Variants in RNF213 observed in about 807,000 individuals in gnomAD.
The protein encoded by RNF213 is E3 ubiquitin-protein ligase RNF213.
In RNF213, 341 loss-of-function variants were observed where a neutral mutation model predicts 514.4. The ratio of observed to expected loss-of-function variants is 0.66; its 90% CI spans 0.61 to 0.73. The LOEUF is 0.73. RNF213 is among the 30% of genes least tolerant of loss of function. RNF213 has a pLI of 0.00. For synonymous variants in RNF213, 2,655 were observed against 2,658.2 expected (o/e 1.00, Z 0.04); for missense variants, 5,767 against 6,615.6 (o/e 0.87, Z 4.45).
At chr17:80,367,327 T>C (rs181627769) in intron 42 of RNF213, among the ~76,000 whole-genome samples, 83 of 152,270 alleles carry the variant, frequency 5.5e-4, no homozygotes, top group African/African-American at 1.5e-3. Flanking sequence ...CTCTAAAAAA[T>C]GATCTATCGC....
Position 80,288,072 on chromosome 17 carries a change from C to T in RNF213, c.519C>T (p.Pro173=), listed in dbSNP as rs762433367. 1.7e-5 allele frequency: 27 copies of T among 1,608,712 alleles called. 1 individual carries two copies. The South Asian group carries it at 2.9e-4, about 17-fold the overall frequency. The change falls in exon 4 of 68, where the codon CCC becomes CCT. Residue 173 remains proline, a synonymous_variant. Transcript: ENST00000582970. The surrounding 1 kb of genome is among the most constrained non-coding windows in gnomAD (Gnocchi z 4.9). ...CGCCCACCGAGGTTGGCGACAGCCC[C>T]CTGCAGGCCCAGGCTTTGGGAGAGG... ...LSAPTEVGDS[P]LQAQALGEAG...
At chr17:80,365,733 C>T (rs1259149483) in intron 42 of RNF213, among the ~76,000 whole-genome samples, 1 of 152,172 alleles carries the variant, frequency 6.6e-6, no homozygotes, top group South Asian at 2.1e-4. Context: ...CCGGTGCCCC[C>T]CTTCCACCCT....
Position 80,291,860 on chromosome 17 carries a change from C to T in RNF213, c.1471+33C>T, listed in dbSNP as rs76254032. 1.6e-3 allele frequency: 2,613 copies of T among 1,609,912 alleles called. 37 individuals carry two copies. The African/African-American group carries it at 0.031, about 19-fold the overall frequency. ...GTGGCAGCAGGCTGTCTGCTCACCC[C>T]TCCGGAGTGCAGGTGCCAATCCCGC... is the stretch of plus-strand genomic sequence containing the variant. On this transcript the variant is annotated intron_variant, in intron 8 of 67. Transcript: ENST00000582970.
Position 80,363,801 on chromosome 17 carries a change from G to A in RNF213, c.11750+11G>A. The A allele has an allele frequency of 6.2e-7, 1 of 1,611,896 alleles. No homozygotes were observed. The highest frequency in any genetic ancestry group is 8.5e-7 in the Non-Finnish European group (1 of 1,179,630). On this transcript the variant is annotated intron_variant, in intron 41 of 67. Transcript: ENST00000582970. ...CATCAGGGAAGTCAGGTGAGACCCA[G>A]GAGCCCTCACCCACTGCTTCATCTG...
intron 46 of RNF213, among the ~76,000 whole-genome samples, chr17:80,371,114 T>TC (rs1191389185): frequency 6.6e-6 from 1 of 152,030 alleles, no homozygotes; most frequent in Non-Finnish European, 1.5e-5. Flanking sequence ...TGTCATGAAA[T>TC]CATGTGGGTC....
At chr17:80,381,419 C>T (rs577278877) in intron 56 of RNF213, 128 bp from the exon 57 acceptor site, 1 of 970,462 alleles carries the variant, frequency 1.0e-6, no homozygotes, top group Admixed American at 1.7e-5. Flanking sequence ...GATCACTCCG[C>T]CGTTTTCATC....
At chr17:80,276,571 G>A (rs1035428284) in intron 3 of RNF213, among the ~76,000 whole-genome samples, 2 of 152,126 alleles carry the variant, frequency 1.3e-5, no homozygotes, top group African/African-American at 2.4e-5. Flanking sequence ...GAGGCCAGGC[G>A]CGGTGGCTCA....
intron 6 of RNF213, among the ~76,000 whole-genome samples, chr17:80,290,268 G>A (rs1030379429): frequency 6.6e-5 from 10 of 152,238 alleles, no homozygotes; most frequent in East Asian, 1.9e-4. Flanking sequence ...TGTGCATTAC[G>A]AACACAAGGA....
In RNF213 at chr17:80,376,551, T is replaced by C; in HGVS notation, c.13428+8T>C. 6.2e-7 allele frequency: 1 copy of C among 1,613,850 alleles called. No homozygotes were observed. The highest frequency in any genetic ancestry group is 1.7e-5 in the Admixed American group (1 of 60,022). On this transcript the variant is annotated splice_region_variant and intron_variant, in intron 52 of 67. Transcript: ENST00000582970. ...TCCCCAGCCACCATGGCGGTAAGAG[T>C]AGGCCACAATTCCATCGGCCTTCAC...
chr17:80,377,068 C>G lies in RNF213; in HGVS notation c.13510+105C>G. 1 of 899,782 alleles carries G rather than the reference C, an allele frequency of 1.1e-6. No homozygotes were observed. The allele number at this position is 899,782 out of a possible 1,614,324, so 55.7% of individuals were successfully genotyped here. On this transcript the variant is annotated intron_variant, in intron 53 of 67. Coordinates refer to ENST00000582970, the MANE Select transcript of RNF213 (RefSeq NM_001256071.3). The surrounding 1 kb of genome is among the most constrained non-coding windows in gnomAD (Gnocchi z 4.1). Reference sequence around the variant, plus strand: ...CTTGGGGTCCACGTGGTTTGTGCCTCAGGGTCCAAAACCACCTGCATTCTA... The same window carrying G: ...CTTGGGGTCCACGTGGTTTGTGCCTGAGGGTCCAAAACCACCTGCATTCTA...
At chr17:80,342,774 T>C (rs2078198399) in intron 26 of RNF213, among the ~76,000 whole-genome samples, 2 of 147,362 alleles carry the variant, frequency 1.4e-5, no homozygotes, top group African/African-American at 2.5e-5. Flanking sequence ...TATATATATA[T>C]TTTTTGAGAC....
chr17:80,376,424 A>G lies in RNF213; in HGVS notation c.13309A>G (p.Ser4437Gly). ...ATTGTTGAGGGCGGGGCCTAGTGAC[A>G]GCAACCTTGATGGAACGGTGACAGA... ...VPLLRAGPSD[S>G]NLDGTVTEMA... The change falls in exon 52 of 68, where the codon AGC becomes GGC. Residue 4437 changes from serine (S) to glycine (G), a missense_variant. Ser to Gly is a moderately conservative substitution (Grantham distance 56). Coordinates refer to ENST00000582970, the MANE Select transcript of RNF213 (RefSeq NM_001256071.3). The G allele has an allele frequency of 6.2e-7, 1 of 1,614,230 alleles. No individual in the cohort carries two copies. The highest frequency in any genetic ancestry group is 8.5e-7 in the Non-Finnish European group (1 of 1,180,050).
At chr17:80,344,609 G>A in intron 28 of RNF213, 69 bp from the exon 29 acceptor site, 1 of 1,550,356 alleles carries the variant, frequency 6.5e-7, no homozygotes, top group South Asian at 1.1e-5. Context: ...TAACGTGGAG[G>A]GTTAAGACAC....
At position 80,363,294 on chromosome 17, in the gene RNF213, G is replaced by A; in HGVS notation, c.11548G>A (p.Glu3850Lys). 9 of 1,613,922 alleles carry A rather than the reference G, an allele frequency of 5.6e-6. No homozygotes were observed. The highest frequency in any genetic ancestry group is 7.6e-6 in the Non-Finnish European group (9 of 1,180,036). ...HSLMEARWNH[E>K]LAGCEMTLDA... ...CCTGATGGAAGCCCGTTGGAACCAT[G>A]AGCTGGCTGGATGTGAGATGGTATG... is the stretch of plus-strand genomic sequence containing the variant. The change falls in exon 40 of 68, where the codon GAG becomes AAG. Residue 3850 changes from glutamate to lysine, a missense_variant. Glu to Lys is a moderately conservative substitution (Grantham distance 56). Around this residue, in one of 13 missense-constraint regions of RNF213, gnomAD observed 355 missense variants for 358.0 expected, o/e 0.99. Coordinates refer to ENST00000582970, the MANE Select transcript of RNF213 (RefSeq NM_001256071.3).
Position 80,370,294 on chromosome 17 carries a change from G to A in RNF213, c.12425+427G>A, listed in dbSNP as rs548294804. Among the ~76,000 whole-genome samples, 5 of 152,304 alleles carry A rather than the reference G, an allele frequency of 3.3e-5. No individual in the cohort carries two copies. The South Asian group carries it at 8.3e-4, about 25-fold the overall frequency. The stretch of plus-strand genomic sequence containing the variant: ...AACATGGGCTCTATTTCCTTGGAAA[G>A]GATGTTGACATCCAAGAATAGTATC... On this transcript the variant is annotated intron_variant, in intron 46 of 67. Transcript: ENST00000582970.
At chr17:80,278,654 G>A (rs1862038840) in intron 3 of RNF213, 1 of 1,382,148 alleles carries the variant, frequency 7.2e-7, no homozygotes, top group Non-Finnish European at 9.8e-7. Context: ...GTCCCTGCCT[G>A]GGCCTTCCCA....
chr17:80,347,721 T>C lies in RNF213; in HGVS notation c.9386T>C (p.Val3129Ala). Residue 3129 changes from valine (V) to alanine (A), a missense_variant, in exon 29 of 68, where the codon GTG becomes GCG. Around this residue, in one of 13 missense-constraint regions of RNF213, gnomAD observed 919 missense variants for 1,121.0 expected, o/e 0.82. Transcript: ENST00000582970. The surrounding 1 kb of genome is among the most constrained non-coding windows in gnomAD (Gnocchi z 7.2). Reference sequence around the variant, plus strand: ...GTCCACCTCGGCGGCCAGAAGTACGTGGACCTCGGTCTGGGGACCCACCGC... The same window carrying C: ...GTCCACCTCGGCGGCCAGAAGTACGCGGACCTCGGTCTGGGGACCCACCGC... ...YYVHLGGQKY[V>A]DLGLGTHRVK... The C allele has an allele frequency of 6.2e-7, 1 of 1,614,110 alleles. No homozygotes were observed. Among genetic ancestry groups the C allele is most frequent in the Admixed American group, 1.7e-5 (1 of 60,026 alleles).
intron 67 of RNF213, 99 bp downstream of exon 67, chr17:80,390,295 G>T: frequency 7.3e-7 from 1 of 1,368,296 alleles, no homozygotes; most frequent in East Asian, 2.3e-5. Flanking sequence ...TCTTACCACA[G>T]AATCCCATTT....
Position 80,290,594 on chromosome 17 carries a change from C to A in RNF213, c.1137C>A (p.Val379=), listed in dbSNP as rs1380034744. ...GCACGCTGAGCCCGGGTGGAGGAGT[C>A]ACCGTGTTCTTCCACGCCATCATCT... ...KASTLSPGGG[V]TVFFHAIISL... is the part of the protein sequence containing the mutation. Residue 379 remains valine (V), a synonymous_variant, in exon 7 of 68, where the codon GTC becomes GTA. Transcript: ENST00000582970. The A allele has an allele frequency of 6.2e-7, 1 of 1,614,108 alleles. No homozygotes were observed. The highest frequency in any genetic ancestry group is 8.5e-7 in the Non-Finnish European group (1 of 1,180,050).
Sources: allele counts gnomAD v4.1 joint callset (sites outside exome capture counted in the v4.1 genomes callset), GRCh38; gene constraint gnomAD v4.1.1; regional missense constraint gnomAD v4.1.1; non-coding constraint Gnocchi (gnomAD v3.1); transcripts MANE v1.5; gene names NCBI Gene and HGNC (gene_info 2026-07-23, HGNC 2026-07-21).